The following KRT86 variants were observed in gnomAD, a reference collection of about 807,000 sequenced individuals.
KRT86 encodes keratin 86.
Under a neutral mutation model 41.2 loss-of-function variants are expected in KRT86, and 30 were observed. The ratio of observed to expected loss-of-function variants is 0.73; its 90% CI spans 0.54 to 0.99. The LOEUF (loss-of-function observed/expected upper bound fraction) is 0.99. Among genes scored for constraint, KRT86 ranks in the 50% least tolerant of loss-of-function variants. KRT86 has a pLI of 0.00. For missense variants in KRT86, 561 were observed against 571.4 expected, an observed-to-expected ratio of 0.98 and a Z score of 0.19; for synonymous variants, 238 against 238.1, an observed-to-expected ratio of 1.00 and a Z score of 0.00.
chr12:52,301,165 GA>G (rs145030261), intron 2 of KRT86, among the ~76,000 whole-genome samples: 1,662 of 152,034 alleles, frequency 0.011, 24 homozygotes, highest in African/African-American at 0.037. Context: ...GTGAAAGAGA[GA>G]GGGGGGGTTG....
chr12:52,301,270 AC>A (rs1938366570), intron 2 of KRT86, among the ~76,000 whole-genome samples: 1 of 152,026 alleles, frequency 6.6e-6, no homozygotes, highest in Non-Finnish European at 1.5e-5. Flanking sequence ...AGAGAAAAAA[AC>A]ATGTTGATAG....
chr12:52,292,150 T>A (rs964789150), intron 2 of KRT86, among the ~76,000 whole-genome samples: 1 of 152,210 alleles, frequency 6.6e-6, no homozygotes, highest in African/African-American at 2.4e-5. Context: ...TGAGGAAAAT[T>A]GGAATAATAC....
intron 2 of KRT86, among the ~76,000 whole-genome samples, chr12:52,296,659 T>A (rs545224384): frequency 9.3e-6 from 1 of 108,008 alleles, no homozygotes; most frequent in Admixed American, 8.0e-5. Flanking sequence ...GGGCTCTGAC[T>A]TGGGCTCTCC....
In KRT86 at chr12:52,306,237, G is replaced by C. The variant is rs60687604; in HGVS notation, c.1204G>C (p.Glu402Gln). ...VMNSKLGLDI[E>Q]IATYRRLLEG... ...GAACTCCAAGCTGGGCCTGGACATCGAGATCGCCACCTACAGGCGCCTGCT... is the reference window on the plus strand; with the variant it reads ...GAACTCCAAGCTGGGCCTGGACATCCAGATCGCCACCTACAGGCGCCTGCT... The change falls in exon 9 of 11, where the codon GAG becomes CAG. Residue 402 changes from glutamate (E) to glutamine (Q), a missense_variant. Transcript: ENST00000423955. The C allele has an allele frequency of 1.9e-6, 3 of 1,613,692 alleles. No homozygotes were observed. The highest frequency in any genetic ancestry group is 1.7e-6 in the Non-Finnish European group (2 of 1,180,026).
chr12:52,284,794 T>A (rs1367163332), intron 2 of KRT86, among the ~76,000 whole-genome samples: 1 of 152,206 alleles, frequency 6.6e-6, no homozygotes, highest in African/African-American at 2.4e-5. Context: ...CTTAAAGATG[T>A]ATGTTCAGGG....
chr12:52,284,265 A>G (rs1937852155), intron 2 of KRT86, among the ~76,000 whole-genome samples: 1 of 152,138 alleles, frequency 6.6e-6, no homozygotes, highest in Non-Finnish European at 1.5e-5. Flanking sequence ...AACATGGCTC[A>G]CTGTGCGGCT....
At chr12:52,304,838 T>C in intron 5 of KRT86, 94 bp from the exon 6 acceptor site, 1 of 1,394,150 alleles carries the variant, frequency 7.2e-7, no homozygotes, top group East Asian at 2.3e-5. Context: ...TGGGGACTCC[T>C]TTCCCCAGGC....
chr12:52,286,805 C>T (rs1247091114), intron 2 of KRT86: 1 of 1,613,938 alleles, frequency 6.2e-7, no homozygotes. Flanking sequence ...ATTCACAGCC[C>T]CAATGCCTTC....
In KRT86 at chr12:52,306,067, A is replaced by T. The variant is rs372469887; in HGVS notation, c.1034A>T (p.Lys345Met). 24 of 1,613,776 alleles carry T rather than the reference A, an allele frequency of 1.5e-5. No homozygotes were observed. Among genetic ancestry groups the T allele is most frequent in the South Asian group, 3.3e-5 (3 of 91,068 alleles). The change falls in exon 9 of 11, where the codon AAG becomes ATG. Residue 345 changes from lysine (K) to methionine (M), a missense_variant. Physicochemically the swap from Lys to Met is moderately conservative, Grantham distance 95. Around this residue, in one of 3 missense-constraint regions of KRT86, gnomAD observed 397 missense variants for 375.9 expected, o/e 1.06. Transcript: ENST00000423955. The part of the protein sequence containing the change: ...EVENAKCQNS[K>M]LEAAVAQSEQ... ...TCTCTCTGTTCTCTTCAGAATTCCA[A>T]GCTGGAGGCTGCGGTGGCTCAGTCT...
intron 2 of KRT86, among the ~76,000 whole-genome samples, chr12:52,295,995 G>T (rs1804364857): frequency 6.6e-6 from 1 of 152,094 alleles, no homozygotes; most frequent in African/African-American, 2.4e-5. Flanking sequence ...CTTGGCTTGG[G>T]CTATAAGGGG....
chr12:52,287,886 C>G (rs1938005278), intron 2 of KRT86: 1 of 1,607,974 alleles, frequency 6.2e-7, no homozygotes, highest in Non-Finnish European at 8.5e-7. Context: ...CTTCTCATCC[C>G]TAGGGACCAG....
rs778718877 is a variant in KRT86 at position 52,308,260 on chromosome 12, T to C, written c.1275T>C (p.Asn425=). 7.4e-6 allele frequency: 12 copies of C among 1,614,068 alleles called. No individual in the cohort carries two copies. In the Admixed American group the frequency reaches 1.2e-4, roughly 16 times the overall value. The change falls in exon 10 of 11, where the codon AAT becomes AAC. Residue 425 remains asparagine, a synonymous_variant. Coordinates refer to ENST00000423955, the MANE Select transcript of KRT86 (RefSeq NM_001320198.2). The part of the protein sequence containing the change: ...QRLCEGVGSV[N]VCVSSSRGGV... Reference sequence around the variant, plus strand: ...TGTGCGAGGGCGTCGGCTCGGTGAATGTCTGTAAGTAGTGGGGTCCGTCCC... The same window carrying C: ...TGTGCGAGGGCGTCGGCTCGGTGAACGTCTGTAAGTAGTGGGGTCCGTCCC...
Position 52,305,252 on chromosome 12 carries a change from C to G in KRT86, c.748C>G (p.Leu250Val), listed in dbSNP as rs1283252060. ...TCACCTCCTGCAGGAGATCCGCGTTCTCCAGTCCCACATCTCAGACACCTC... is the reference window on the plus strand; with the variant it reads ...TCACCTCCTGCAGGAGATCCGCGTTGTCCAGTCCCACATCTCAGACACCTC... ...RRLYEEEIRV[L>V]QSHISDTSVV... The change falls in exon 7 of 11, where the codon CTC becomes GTC. Residue 250 changes from leucine (L) to valine (V), a missense_variant. Physicochemically the swap from Leu to Val is conservative, Grantham distance 32 (BLOSUM62 1). Coordinates refer to ENST00000423955, the MANE Select transcript of KRT86 (RefSeq NM_001320198.2). The G allele has an allele frequency of 6.2e-7, 1 of 1,614,104 alleles. No homozygotes were observed. Among genetic ancestry groups the G allele is most frequent in the Non-Finnish European group, 8.5e-7 (1 of 1,180,040 alleles).
At chr12:52,298,890 G>A (rs1938309637) in intron 2 of KRT86, among the ~76,000 whole-genome samples, 1 of 152,096 alleles carries the variant, frequency 6.6e-6, no homozygotes, top group Admixed American at 6.5e-5. Flanking sequence ...CATAAACTGT[G>A]TACTGATCAA....
At chr12:52,301,344 T>C (rs1236091972) in intron 2 of KRT86, among the ~76,000 whole-genome samples, 1 of 152,016 alleles carries the variant, frequency 6.6e-6, no homozygotes, top group Non-Finnish European at 1.5e-5. Flanking sequence ...GTGACTAAGT[T>C]AGAGATTCTG....
chr12:52,305,115 T>C (rs1938475306), intron 6 of KRT86, 88 bp downstream of exon 6: 1 of 1,604,550 alleles, frequency 6.2e-7, no homozygotes, highest in Admixed American at 1.7e-5. Context: ...TGGGTAGAGG[T>C]TGCAGTCCCT....
At chr12:52,287,056 C>T (rs1565740062) in intron 2 of KRT86, 1 of 1,612,454 alleles carries the variant, frequency 6.2e-7, no homozygotes, top group Admixed American at 1.7e-5. Context: ...AGGCTTGTGC[C>T]AGGGATGGGG....
chr12:52,284,778 C>T (rs1270312731), intron 2 of KRT86, among the ~76,000 whole-genome samples: 2 of 152,180 alleles, frequency 1.3e-5, no homozygotes, highest in Non-Finnish European at 2.9e-5. Flanking sequence ...TAGAGATTCA[C>T]TCCGGCTTAA....
intron 2 of KRT86, among the ~76,000 whole-genome samples, chr12:52,278,683 C>G (rs985084195): frequency 1.3e-5 from 2 of 152,118 alleles, no homozygotes; most frequent in African/African-American, 4.8e-5. Context: ...CAAGGAGCAT[C>G]AGTAAGTAAA....
Sources: allele counts gnomAD v4.1 joint callset (sites outside exome capture counted in the v4.1 genomes callset), GRCh38; gene constraint gnomAD v4.1.1; regional missense constraint gnomAD v4.1.1; transcripts MANE v1.5; gene names NCBI Gene and HGNC (gene_info 2026-07-23, HGNC 2026-07-21).